Variants in MED16 observed in about 807,000 individuals in gnomAD.
MED16 encodes mediator complex subunit 16, also known as mediator of RNA polymerase II transcription subunit 16.
A neutral mutation model predicts 84.4 loss-of-function variants in MED16; 81 were observed. That is an observed-to-expected ratio of 0.96 (90% confidence interval 0.80 to 1.15). The LOEUF (loss-of-function observed/expected upper bound fraction) is 1.15. Ranked by LOEUF, MED16 falls within the 50% of genes most tolerant of loss-of-function variation. The probability of loss-of-function intolerance (pLI) is 0.00; values close to 1 mark genes in which losing one functional copy is unlikely to be tolerated. For missense variants in MED16, 1,585 were observed against 1,245.9 expected (o/e 1.27, Z -4.10); for synonymous variants, 897 against 552.2 (o/e 1.62, Z -8.76).
At chr19:885,030 G>A (rs1457329800) in intron 5 of MED16, 22 bp from the exon 6 acceptor site, 1 of 1,560,852 alleles carries the variant, frequency 6.4e-7, no homozygotes, top group Non-Finnish European at 8.7e-7. Flanking sequence ...GTGGGGGTGA[G>A]GGCTGACCCG....
rs749559665 is a variant in MED16, at chr19:875,320, G to A, written c.1695C>T (p.Arg565=). 35 of 1,610,708 alleles carry A rather than the reference G, an allele frequency of 2.2e-5. No individual in the cohort carries two copies. Among genetic ancestry groups the A allele is most frequent in the Non-Finnish European group, 2.9e-5 (34 of 1,179,822 alleles). Reference sequence around the variant, plus strand: ...TGTCAGGCGTGTTGAGAAAGTGGGGGCGCAGCAGCGACTTCAGGGTGGAGC... The same window carrying A: ...TGTCAGGCGTGTTGAGAAAGTGGGGACGCAGCAGCGACTTCAGGGTGGAGC... ...AISSTLKSLL[R]PHFLNTPDKS... Residue 565 remains arginine, a synonymous_variant, in exon 10 of 16, where the codon CGC becomes CGT. Transcript: ENST00000325464.
intron 10 of MED16, 30 bp from the exon 11 acceptor site, chr19:873,612 G>A (rs768256469): frequency 2.9e-5 from 46 of 1,610,208 alleles, no homozygotes; most frequent in Non-Finnish European, 3.5e-5. Context: ...GGGTCAGCTC[G>A]GGCCTCTTGT....
chr19:876,210 G>C (rs978331035), intron 9 of MED16, among the ~76,000 whole-genome samples: 2 of 152,148 alleles, frequency 1.3e-5, no homozygotes, highest in Non-Finnish European at 2.9e-5. Context: ...TCAGAGGGCT[G>C]GTCCCACGTG....
rs571471124 is a variant in MED16, at chr19:869,019, A to G, written c.2316-73T>C. ...CAGGTTCCGGCAGGGGCATCTGTCC[A>G]CAGGCGGGGGTGGAGGGAATGGCCG... On this transcript the variant is annotated intron_variant, in intron 13 of 15. Transcript: ENST00000325464. 1.0e-5 allele frequency: 14 copies of G among 1,349,032 alleles called. No individual in the cohort carries two copies. In the East Asian group the frequency reaches 3.6e-4, roughly 35 times the overall value. The allele number at this position is 1,349,032 out of a possible 1,614,324, so 83.6% of individuals were successfully genotyped here.
At chr19:872,235 T>A in intron 11 of MED16, 117 bp from the exon 12 acceptor site, 1 of 837,486 alleles carries the variant, frequency 1.2e-6, no homozygotes, top group South Asian at 1.8e-5. Context: ...TCTGGGACAT[T>A]TGTGGTGGTC....
chr19:868,270 T>C lies in MED16; in HGVS notation c.2484-19A>G. 1 of 1,590,728 alleles carries C rather than the reference T, an allele frequency of 6.3e-7. No homozygotes were observed. The highest frequency in any genetic ancestry group is 8.5e-7 in the Non-Finnish European group (1 of 1,170,628). On this transcript the variant is annotated intron_variant, in intron 15 of 15. Transcript: ENST00000325464. ...AACAGCCCTGCAGGGCGGGCTGAGGTTAACCGCGCCGAGGAGAGTCCAGGG... is the reference window on the plus strand; with the variant it reads ...AACAGCCCTGCAGGGCGGGCTGAGGCTAACCGCGCCGAGGAGAGTCCAGGG...
At chr19:869,693 G>C (rs929873037) in intron 13 of MED16, among the ~76,000 whole-genome samples, 2 of 152,132 alleles carry the variant, frequency 1.3e-5, no homozygotes, top group Non-Finnish European at 2.9e-5. Context: ...TCCTGGAGCC[G>C]AGCCGGGGCC....
rs375151740 is a variant in MED16 at position 885,779 on chromosome 19, C to T, written c.870G>A (p.Met290Ile). 32 of 1,608,768 alleles carry T rather than the reference C, an allele frequency of 2.0e-5. No individual in the cohort carries two copies. Among genetic ancestry groups the T allele is most frequent in the Non-Finnish European group, 2.5e-5 (30 of 1,179,430 alleles). The change falls in exon 5 of 16, where the codon ATG (methionine) becomes ATA (isoleucine). Residue 290 changes from methionine (M) to isoleucine (I), a missense_variant. Coordinates refer to ENST00000325464, the MANE Select transcript of MED16 (RefSeq NM_005481.3). The part of the protein sequence containing the change: ...ITHLKFLARD[M>I]SEQVLLCASS... Reference sequence around the variant, plus strand: ...GCCTGCGCCCGTTCACCTGCTCCGACATGTCCCGGGCCAGGAACTTGAGGT... The same window carrying T: ...GCCTGCGCCCGTTCACCTGCTCCGATATGTCCCGGGCCAGGAACTTGAGGT...
chr19:873,312 C>G (rs1176377143), intron 11 of MED16, 137 bp downstream of exon 11: 2 of 535,868 alleles, frequency 3.7e-6, no homozygotes, highest in Non-Finnish European at 5.9e-6. Context: ...CAAGTAGGGG[C>G]GGGACTCCAA....
Position 868,261 on chromosome 19 carries a change from G to C in MED16, c.2484-10C>G. The stretch of plus-strand genomic sequence containing the variant: ...ACGGCCTTCAACAGCCCTGCAGGGC[G>C]GGCTGAGGTTAACCGCGCCGAGGAG... On this transcript the variant is annotated splice_polypyrimidine_tract_variant and intron_variant, in intron 15 of 15. Coordinates refer to ENST00000325464, the MANE Select transcript of MED16 (RefSeq NM_005481.3). 6.3e-7 allele frequency: 1 copy of C among 1,593,166 alleles called. No homozygotes were observed. The highest frequency in any genetic ancestry group is 8.5e-7 in the Non-Finnish European group (1 of 1,171,408).
rs1376018853 is a variant in MED16 at position 886,035 on chromosome 19, C to A, written c.614G>T (p.Ser205Ile). The A allele has an allele frequency of 6.3e-7, 1 of 1,597,876 alleles. No individual in the cohort carries two copies. The highest frequency in any genetic ancestry group is 8.5e-7 in the Non-Finnish European group (1 of 1,175,436). The change falls in exon 5 of 16, where the codon AGC becomes ATC. Residue 205 changes from serine to isoleucine, a missense_variant. Transcript: ENST00000325464. ...CACGCGGCCGCGCAGCCGGCACAGGCTCTCGGTGGACGTCAGCACCTGCCC... is the reference window on the plus strand; with the variant it reads ...CACGCGGCCGCGCAGCCGGCACAGGATCTCGGTGGACGTCAGCACCTGCCC... Reference protein sequence around the residue: ...PSGQVLTSTESLCRLRGRVAL... With the variant: ...PSGQVLTSTEILCRLRGRVAL...
rs2036516848 is a variant in MED16, at chr19:885,954, TCCGCCGTGGCCACCACGATGTTG to T, written c.672_694del (p.Asn225ArgfsTer184). ...CTGCACGGGCGACGCGCTGCTGCCG[TCCGCCGTGGCCACCACGATGTTG>T]CCGCCGCCGGTGAAGGCGATGTCGG... On this transcript the variant is annotated frameshift_variant, in exon 5 of 16. Coordinates refer to ENST00000325464, the MANE Select transcript of MED16 (RefSeq NM_005481.3). LOFTEE classifies it high-confidence loss of function. The T allele has an allele frequency of 6.2e-7, 1 of 1,612,120 alleles. No homozygotes were observed.
chr19:887,118 G>A (rs1291302661), intron 4 of MED16, among the ~76,000 whole-genome samples: 2 of 151,898 alleles, frequency 1.3e-5, no homozygotes, highest in East Asian at 1.9e-4. Flanking sequence ...ATGTCTCTAC[G>A]TTGTGAAAAA....
At chr19:889,146 A>C (rs1363584750) in intron 4 of MED16, among the ~76,000 whole-genome samples, 1 of 121,124 alleles carries the variant, frequency 8.3e-6, no homozygotes, top group Non-Finnish European at 1.6e-5. Context: ...GCCTACTCTT[A>C]ACTGTCCCCC....
intron 4 of MED16, among the ~76,000 whole-genome samples, chr19:888,222 C>CA (rs991256990): frequency 6.7e-6 from 1 of 148,236 alleles, no homozygotes; most frequent in African/African-American, 2.5e-5. Context: ...AACAAACAAA[C>CA]AAAAAAGATA....
intron 7 of MED16, 98 bp from the exon 8 acceptor site, chr19:880,246 G>C (rs1358464808): frequency 8.5e-7 from 1 of 1,173,990 alleles, no homozygotes; most frequent in East Asian, 3.1e-5. Flanking sequence ...AGCCGGGGCT[G>C]CCCATCCAGG....
At chr19:870,562 G>C (rs1017702413) in intron 13 of MED16, among the ~76,000 whole-genome samples, 2 of 116,812 alleles carry the variant, frequency 1.7e-5, no homozygotes, top group Non-Finnish European at 3.8e-5. Flanking sequence ...CCCTGTCGGG[G>C]AGACAAAAAA....
At chr19:872,153 C>CGGGGGGCAGATGGCGAT in intron 11 of MED16, 35 bp from the exon 12 acceptor site, 1 of 1,537,572 alleles carries the variant, frequency 6.5e-7, no homozygotes, top group Non-Finnish European at 8.8e-7. Context: ...GCTGGGGCGG[C>CGGGGGGCAGATGGCGAT]GGGGGGCAGA....
rs1310753434 is a variant in MED16 at position 871,081 on chromosome 19, C to T, written c.2271G>A (p.Thr757=). 5.8e-6 allele frequency: 9 copies of T among 1,547,594 alleles called. No homozygotes were observed. Among genetic ancestry groups the T allele is most frequent in the Admixed American group, 2.0e-5 (1 of 50,932 alleles). ...PLRLQFGRAP[T]LPGSAATLQL... is the part of the protein sequence containing the mutation. ...GCAGGGTGGCAGCACTGCCAGGCAG[C>T]GTGGGCGCCCGGCCAAACTGCAGAC... is the stretch of plus-strand genomic sequence containing the variant. The change falls in exon 13 of 16, where the codon ACG becomes ACA. Residue 757 remains threonine, a synonymous_variant. Transcript: ENST00000325464.
Sources: gnomAD v4.1 joint callset for allele counts (sites outside exome capture counted in the v4.1 genomes callset) on GRCh38, gnomAD v4.1.1 for gene constraint, MANE v1.5 for transcripts, NCBI Gene and HGNC (gene_info 2026-07-23, HGNC 2026-07-21) for gene names.